Variants in PCYOX1 observed in about 807,000 individuals in gnomAD.
The protein encoded by PCYOX1 is prenylcysteine lyase.
In PCYOX1, 46 loss-of-function variants were observed where a neutral mutation model predicts 46.4. The ratio of observed to expected loss-of-function variants is 0.99; its 90% confidence interval spans 0.78 to 1.27. The LOEUF (loss-of-function observed/expected upper bound fraction) is 1.27. Among genes scored for constraint, PCYOX1 ranks in the 50% most tolerant of loss-of-function variants. The pLI is 0.00. For synonymous variants in PCYOX1, 220 were observed against 231.8 expected, an observed-to-expected ratio of 0.95 and a Z score of 0.46; for missense variants, 658 against 628.3, an observed-to-expected ratio of 1.05 and a Z score of -0.51.
chr2:70,272,068 C>A (rs1696607269), intron 3 of PCYOX1, among the ~76,000 whole-genome samples: 1 of 151,914 alleles, frequency 6.6e-6, no homozygotes, highest in Non-Finnish European at 1.5e-5. Flanking sequence ...GTTTTTCCAA[C>A]CTCCTGTGGA....
At chr2:70,275,804 A>G in intron 5 of PCYOX1, 138 bp downstream of exon 5, 1 of 852,258 alleles carries the variant, frequency 1.2e-6, no homozygotes, top group South Asian at 1.8e-5. Flanking sequence ...CCATATAGAA[A>G]TATTCCCCAA....
At chr2:70,263,459 T>C (rs1392092709) in intron 3 of PCYOX1, among the ~76,000 whole-genome samples, 1 of 152,148 alleles carries the variant, frequency 6.6e-6, no homozygotes, top group Non-Finnish European at 1.5e-5. Context: ...GTTGAGAGTA[T>C]AGGACCTACA....
intron 3 of PCYOX1, 192 bp from the exon 4 acceptor site, chr2:70,274,767 T>G (rs1005240999): frequency 5.2e-6 from 3 of 573,224 alleles, no homozygotes; most frequent in Non-Finnish European, 9.4e-6. Flanking sequence ...TTTTGCCATG[T>G]TGGCCAGGCT....
upstream of PCYOX1, chr2:70,257,961 C>A (rs1273045937): frequency 1.4e-5 from 6 of 440,574 alleles, no homozygotes; most frequent in Non-Finnish European, 2.4e-5. Flanking sequence ...GCAGGATGTG[C>A]TTAGGGCACT....
chr2:70,265,865 G>T (rs1696515131), intron 3 of PCYOX1, among the ~76,000 whole-genome samples: 1 of 152,076 alleles, frequency 6.6e-6, no homozygotes, highest in South Asian at 2.1e-4. Context: ...CTTCCTTCCA[G>T]TTACTCCTAC....
intron 3 of PCYOX1, among the ~76,000 whole-genome samples, chr2:70,272,364 C>T (rs1309251390): frequency 6.6e-6 from 1 of 151,970 alleles, no homozygotes; most frequent in East Asian, 1.9e-4. Context: ...TGACCTCAAG[C>T]GATCTGCCCG....
At chr2:70,266,931 G>A (rs1394816960) in intron 3 of PCYOX1, among the ~76,000 whole-genome samples, 1 of 152,038 alleles carries the variant, frequency 6.6e-6, no homozygotes, top group Non-Finnish European at 1.5e-5. Context: ...ACTTCTATTC[G>A]ACAAAACTGC....
Position 70,259,454 on chromosome 2 carries a change from A to G in PCYOX1, c.207A>G (p.Glu69=), listed in dbSNP as rs780181645. The change falls in exon 2 of 6, where the codon GAA becomes GAG. Residue 69 remains glutamate, a synonymous_variant. Transcript: ENST00000433351. ...TGAAGATAGACCTGTTTGAAAGAGA[A>G]GAGGTCGGGGGCCGCCTGGCTACCA... is the stretch of plus-strand genomic sequence containing the variant. ...KDVKIDLFER[E]EVGGRLATMM... is the part of the protein sequence containing the mutation. The G allele has an allele frequency of 2.5e-5, 40 of 1,614,028 alleles. No individual in the cohort carries two copies. The highest frequency in any genetic ancestry group is 3.4e-5 in the Non-Finnish European group (40 of 1,180,026).
At chr2:70,261,441 A>G (rs1487073967) in intron 3 of PCYOX1, 55 bp downstream of exon 3, 1 of 1,165,438 alleles carries the variant, frequency 8.6e-7, no homozygotes, top group Non-Finnish European at 1.3e-6. Context: ...GTTAAATTAA[A>G]CTTGATGAAC....
At chr2:70,268,774 C>T (rs1271104534) in intron 3 of PCYOX1, among the ~76,000 whole-genome samples, 3 of 147,314 alleles carry the variant, frequency 2.0e-5, no homozygotes, top group African/African-American at 5.0e-5. Flanking sequence ...GGGCAACAAG[C>T]GTGAAACTCT....
At position 70,277,345 on chromosome 2, in the gene PCYOX1, A is replaced by G. The variant is rs769966072; in HGVS notation, c.1471A>G (p.Met491Val). 3 of 1,613,002 alleles carry G rather than the reference A, an allele frequency of 1.9e-6. No homozygotes were observed. Among genetic ancestry groups the G allele is most frequent in the Non-Finnish European group, 8.5e-7 (1 of 1,179,106 alleles). Reference sequence around the variant, plus strand: ...TCACCGCTGGAACGGGCACACAGACATGATTGATCAGGATGGCTTATATGA... The same window carrying G: ...TCACCGCTGGAACGGGCACACAGACGTGATTGATCAGGATGGCTTATATGA... ...AYHRWNGHTD[M>V]IDQDGLYEKL... Residue 491 changes from methionine (M) to valine (V), a missense_variant, in exon 6 of 6, where the codon ATG becomes GTG. Physicochemically the swap from Met to Val is conservative, Grantham distance 21 (BLOSUM62 1). Coordinates refer to ENST00000433351, the MANE Select transcript of PCYOX1 (RefSeq NM_016297.4).
In PCYOX1 at chr2:70,277,190, A is replaced by C; in HGVS notation, c.1316A>C (p.Tyr439Ser). The change falls in exon 6 of 6, where the codon TAT (tyrosine) becomes TCT (serine). Residue 439 changes from tyrosine to serine, a missense_variant. By Grantham distance (144) the Tyr-to-Ser change is moderately radical (BLOSUM62 -2). Transcript: ENST00000433351. ...VKKPWLAYPH[Y>S]KPPEKCPSII... is the part of the protein sequence containing the mutation. Reference sequence around the variant, plus strand: ...AAGCCATGGCTTGCATATCCTCACTATAAGCCCCCGGAGAAATGCCCCTCT... The same window carrying C: ...AAGCCATGGCTTGCATATCCTCACTCTAAGCCCCCGGAGAAATGCCCCTCT... 6.2e-7 allele frequency: 1 copy of C among 1,614,096 alleles called. No homozygotes were observed. Among genetic ancestry groups the C allele is most frequent in the South Asian group, 1.1e-5 (1 of 91,080 alleles).
At chr2:70,257,935 G>C, upstream of PCYOX1, 1 of 392,246 alleles carries the variant, frequency 2.5e-6, no homozygotes, top group Non-Finnish European at 4.6e-6. Context: ...TCTGAAGGAG[G>C]GTGGGCTTCG....
At chr2:70,267,597 G>C (rs1033843645) in intron 3 of PCYOX1, among the ~76,000 whole-genome samples, 3 of 152,112 alleles carry the variant, frequency 2.0e-5, no homozygotes, top group African/African-American at 7.2e-5. Context: ...AGACCAGCCC[G>C]GCCAACACGG....
chr2:70,259,131 A>T (rs1234250535), intron 1 of PCYOX1, among the ~76,000 whole-genome samples: 2 of 152,186 alleles, frequency 1.3e-5, no homozygotes, highest in Non-Finnish European at 2.9e-5. Flanking sequence ...TCTGGAAAAA[A>T]AATCGAGTTA....
At chr2:70,273,657 C>T (rs890827941) in intron 3 of PCYOX1, among the ~76,000 whole-genome samples, 4 of 152,140 alleles carry the variant, frequency 2.6e-5, no homozygotes, top group Non-Finnish European at 5.9e-5. Flanking sequence ...AGATAAACCC[C>T]GTATTACTTA....
intron 3 of PCYOX1, among the ~76,000 whole-genome samples, chr2:70,268,840 G>C (rs888570027): frequency 6.6e-6 from 1 of 150,506 alleles, no homozygotes; most frequent in South Asian, 2.1e-4. Context: ...CAAAGACCAT[G>C]TGAGGACACA....
Position 70,275,154 on chromosome 2 carries a change from C to A in PCYOX1, c.690C>A (p.Asp230Glu). 1 of 1,613,304 alleles carries A rather than the reference C, an allele frequency of 6.2e-7. No individual in the cohort carries two copies. The highest frequency in any genetic ancestry group is 8.5e-7 in the Non-Finnish European group (1 of 1,179,220). Reference protein sequence around the residue: ...VMRVNYGQSTDINAFVGAVSL... With the variant: ...VMRVNYGQSTEINAFVGAVSL... ...GGGTCAATTATGGCCAAAGCACGGA[C>A]ATCAATGCCTTTGTGGGTAAGCCAG... Residue 230 changes from aspartate to glutamate, a missense_variant, in exon 4 of 6, where the codon GAC (aspartate) becomes GAA (glutamate). Coordinates refer to ENST00000433351, the MANE Select transcript of PCYOX1 (RefSeq NM_016297.4).
intron 3 of PCYOX1, among the ~76,000 whole-genome samples, chr2:70,270,017 G>T (rs1043587271): frequency 6.7e-6 from 1 of 150,080 alleles, no homozygotes; most frequent in Non-Finnish European, 1.5e-5. Context: ...TTCTTTCGAC[G>T]GAGTCTCCCT....
Sources: allele counts gnomAD v4.1 joint callset (sites outside exome capture counted in the v4.1 genomes callset), GRCh38; gene constraint gnomAD v4.1.1; transcripts MANE v1.5; gene names NCBI Gene and HGNC (gene_info 2026-07-23, HGNC 2026-07-21).